Variants in AIG1 observed in about 807,000 individuals in gnomAD.
The protein encoded by AIG1 is androgen-induced gene 1 protein.
A neutral mutation model predicts 31.4 loss-of-function variants in AIG1; 23 were observed. The ratio of observed to expected loss-of-function variants is 0.73; its 90% CI spans 0.53 to 1.04. The LOEUF is 1.04. Ranked by LOEUF, AIG1 falls within the 50% of genes least tolerant of loss-of-function variation. AIG1 has a pLI of 0.00. For missense variants in AIG1, 274 were observed against 295.0 expected (o/e 0.93, Z 0.52); for synonymous variants, 100 against 110.5 (o/e 0.90, Z 0.60).
At chr6:143,257,330 TA>T (rs372105797) in intron 3 of AIG1, among the ~76,000 whole-genome samples, 1,572 of 151,750 alleles carry the variant, frequency 0.01, 45 homozygotes, top group East Asian at 0.065. Flanking sequence ...CATAACTTTG[TA>T]AAAAAAACAA....
At chr6:143,244,229 A>G (rs1794454708) in intron 3 of AIG1, among the ~76,000 whole-genome samples, 1 of 152,352 alleles carries the variant, frequency 6.6e-6, no homozygotes, top group East Asian at 1.9e-4. Flanking sequence ...AAATGAACAC[A>G]GACGAGATTG....
chr6:143,205,818 A>T (rs918058390), intron 3 of AIG1, among the ~76,000 whole-genome samples: 1 of 152,234 alleles, frequency 6.6e-6, no homozygotes, highest in South Asian at 2.1e-4. Flanking sequence ...GAATTCCCCA[A>T]ACAAAAGCTT....
At chr6:143,120,805 C>G (rs952077795) in intron 1 of AIG1, among the ~76,000 whole-genome samples, 15 of 152,176 alleles carry the variant, frequency 9.9e-5, no homozygotes, top group Non-Finnish European at 1.6e-4. Context: ...AAACTGGCCC[C>G]AAAACTGGCC....
chr6:143,276,512 A>G (rs568636216), intron 3 of AIG1, among the ~76,000 whole-genome samples: 2 of 152,290 alleles, frequency 1.3e-5, no homozygotes, highest in South Asian at 4.1e-4. Flanking sequence ...CATATGCCAA[A>G]AAGGCACAGT....
chr6:143,310,844 A>C (rs144290515), intron 4 of AIG1, among the ~76,000 whole-genome samples: 1,802 of 151,928 alleles, frequency 0.012, 33 homozygotes, highest in African/African-American at 0.039. Context: ...TTGATAATCT[A>C]GATAAAATGG....
At chr6:143,234,734 G>A (rs919433099) in intron 3 of AIG1, among the ~76,000 whole-genome samples, 1 of 152,116 alleles carries the variant, frequency 6.6e-6, no homozygotes, top group African/African-American at 2.4e-5. Context: ...GGATATTTCT[G>A]TCAGAAAAGA....
At chr6:143,220,568 A>T (rs1331659756) in intron 3 of AIG1, among the ~76,000 whole-genome samples, 2 of 152,194 alleles carry the variant, frequency 1.3e-5, no homozygotes, top group Non-Finnish European at 2.9e-5. Context: ...CTGATTCTAG[A>T]TTCAAACTCA....
rs1250245268 is a variant in AIG1 at position 143,090,824 on chromosome 6, A to T, written c.141+29758A>T. Among the ~76,000 whole-genome samples the T allele has an allele frequency of 2.6e-5, 4 of 152,176 alleles. No homozygotes were observed. In the East Asian group the frequency reaches 7.7e-4, roughly 29 times the overall value. ...GTTGGGGTGACTGGCAGTTTCCTAA[A>T]ATAGGACACCTGTGAAGTTTGCTGC... is the stretch of plus-strand genomic sequence containing the variant. On this transcript the variant is annotated intron_variant, in intron 1 of 5. Transcript: ENST00000357847.
intron 1 of AIG1, among the ~76,000 whole-genome samples, chr6:143,066,168 A>G (rs188234841): frequency 2.0e-5 from 3 of 152,324 alleles, no homozygotes; most frequent in Non-Finnish European, 2.9e-5. Flanking sequence ...GGTGATTTCT[A>G]TGCACATTCA....
At chr6:143,267,868 T>A (rs1190851066) in intron 3 of AIG1, among the ~76,000 whole-genome samples, 3 of 152,154 alleles carry the variant, frequency 2.0e-5, no homozygotes, top group African/African-American at 7.2e-5. Context: ...CCTGAGATAG[T>A]CACAGAATGG....
At chr6:143,169,211 A>G (rs891095065) in intron 3 of AIG1, among the ~76,000 whole-genome samples, 12 of 152,048 alleles carry the variant, frequency 7.9e-5, no homozygotes, top group Admixed American at 7.2e-4. Context: ...TTAATTTTCA[A>G]TGGGTAACAC....
At chr6:143,213,442 A>G (rs1482690638) in intron 3 of AIG1, among the ~76,000 whole-genome samples, 1 of 150,880 alleles carries the variant, frequency 6.6e-6, no homozygotes, top group African/African-American at 2.5e-5. Context: ...ATCTAACTCA[A>G]ACATGAAGGT....
intron 3 of AIG1, among the ~76,000 whole-genome samples, chr6:143,263,108 A>G (rs1175778215): frequency 6.6e-6 from 1 of 152,148 alleles, no homozygotes; most frequent in Non-Finnish European, 1.5e-5. Context: ...CGATTAGTAC[A>G]TCACCTTTAC....
At chr6:143,300,836 C>T (rs1417241482) in intron 4 of AIG1, among the ~76,000 whole-genome samples, 1 of 152,144 alleles carries the variant, frequency 6.6e-6, no homozygotes, top group Non-Finnish European at 1.5e-5. Context: ...AAGAAGGCAT[C>T]ATGGAGAAGA....
rs1181686924 is a variant in AIG1 at position 143,334,024 on chromosome 6, G to A, written c.679+579G>A. On this transcript the variant is annotated intron_variant, in intron 5 of 5. Coordinates refer to ENST00000357847, the MANE Select transcript of AIG1 (RefSeq NM_016108.4). This position sits in a 1 kb window ranked among gnomAD's most constrained non-coding sequence, Gnocchi z 5.1. ...AGTAAAAGATAATATTTCGTGGCTG[G>A]AAAAACTCTTTTAACCTGTGATTTG... The A allele has an allele frequency of 1.7e-5, 26 of 1,542,404 alleles. No individual in the cohort carries two copies.
intron 4 of AIG1, among the ~76,000 whole-genome samples, chr6:143,319,793 A>G (rs953336647): frequency 1.3e-5 from 2 of 152,152 alleles, no homozygotes; most frequent in African/African-American, 4.8e-5. Flanking sequence ...CTGAAGCAAT[A>G]AAATGAAAAG....
chr6:143,249,959 C>T (rs903309907), intron 3 of AIG1, among the ~76,000 whole-genome samples: 1 of 152,182 alleles, frequency 6.6e-6, no homozygotes, highest in Non-Finnish European at 1.5e-5. Flanking sequence ...TGGCTTTGAC[C>T]AGGAAAGTGG....
intron 3 of AIG1, among the ~76,000 whole-genome samples, chr6:143,230,894 T>C (rs559933345): frequency 6.6e-6 from 1 of 152,328 alleles, no homozygotes; most frequent in East Asian, 1.9e-4. Flanking sequence ...TTTCAGCCTT[T>C]CAGAACCATT....
At chr6:143,219,664 C>T (rs531365435) in intron 3 of AIG1, among the ~76,000 whole-genome samples, 2 of 152,218 alleles carry the variant, frequency 1.3e-5, no homozygotes, top group Non-Finnish European at 2.9e-5. Flanking sequence ...TCTTCCACTA[C>T]TCAGGGCTTC....
Sources: allele counts gnomAD v4.1 joint callset (sites outside exome capture counted in the v4.1 genomes callset), GRCh38; gene constraint gnomAD v4.1.1; non-coding constraint Gnocchi (gnomAD v3.1); transcripts MANE v1.5; gene names NCBI Gene and HGNC (gene_info 2026-07-23, HGNC 2026-07-21).